The following SYN3 variants were observed in gnomAD, a reference collection of about 807,000 sequenced individuals.
The protein encoded by SYN3 is synapsin III.
SYN3 carries 35 observed loss-of-function variants against 65.8 expected under a neutral mutation model. The observed-to-expected ratio is 0.53, with a 90% confidence interval of 0.41 to 0.70. The LOEUF (loss-of-function observed/expected upper bound fraction) is 0.70, where lower values mean the gene tolerates loss of function less well. Among genes scored for constraint, SYN3 ranks in the 30% least tolerant of loss-of-function variants. The pLI, the probability that SYN3 is intolerant of heterozygous loss-of-function variation, is 0.00. For missense variants in SYN3, 680 were observed against 749.0 expected (o/e 0.91, Z 1.08); for synonymous variants, 270 against 292.9 (o/e 0.92, Z 0.80).
intron 6 of SYN3, among the ~76,000 whole-genome samples, chr22:32,631,187 C>T (rs566800385): frequency 2.9e-3 from 445 of 151,866 alleles, no homozygotes; most frequent in Middle Eastern, 0.017. Flanking sequence ...CCCAGCTACT[C>T]GGGAGGCTGA....
At chr22:32,814,156 G>GAC (rs1349992539) in intron 6 of SYN3, among the ~76,000 whole-genome samples, 5 of 135,274 alleles carry the variant, frequency 3.7e-5, no homozygotes, top group Non-Finnish European at 7.8e-5. Flanking sequence ...GAGAGAGAGA[G>GAC]AGAGAGAGAG....
chr22:32,650,330 G>C (rs1033365846), intron 6 of SYN3, among the ~76,000 whole-genome samples: 1 of 145,944 alleles, frequency 6.9e-6, no homozygotes, highest in African/African-American at 2.6e-5. Flanking sequence ...GCAGTGGAGC[G>C]ATCACAGTTC....
At chr22:32,833,004 A>G (rs1174385657) in intron 6 of SYN3, among the ~76,000 whole-genome samples, 1 of 152,142 alleles carries the variant, frequency 6.6e-6, no homozygotes, top group Non-Finnish European at 1.5e-5. Flanking sequence ...AAGTCCTGGG[A>G]TTACAGGCGT....
At chr22:32,933,761 A>G (rs1463039518) in intron 3 of SYN3, among the ~76,000 whole-genome samples, 1 of 151,924 alleles carries the variant, frequency 6.6e-6, no homozygotes. Flanking sequence ...TAACTGCCAC[A>G]CTCCATGGCC....
intron 6 of SYN3, among the ~76,000 whole-genome samples, chr22:32,852,514 G>A (rs551934084): frequency 6.6e-6 from 1 of 152,308 alleles, no homozygotes; most frequent in East Asian, 1.9e-4. Flanking sequence ...GGGAGACTTT[G>A]TTCTAGCAGA....
At chr22:32,904,627 G>A (rs765127964) in intron 4 of SYN3, among the ~76,000 whole-genome samples, 18 of 151,650 alleles carry the variant, frequency 1.2e-4, no homozygotes, top group African/African-American at 4.4e-4. Context: ...CAGTTTTTTC[G>A]ACCATCTTCC....
intron 3 of SYN3, among the ~76,000 whole-genome samples, chr22:32,946,499 A>G (rs1227655224): frequency 6.8e-6 from 1 of 146,722 alleles, no homozygotes; most frequent in Non-Finnish European, 1.5e-5. Context: ...CAATGAGAAC[A>G]CTTGGACACA....
chr22:32,857,539 C>G (rs2048405390), intron 6 of SYN3, among the ~76,000 whole-genome samples: 1 of 152,174 alleles, frequency 6.6e-6, no homozygotes, highest in Non-Finnish European at 1.5e-5. Context: ...TACACTTAGG[C>G]TGGACTTTGG....
intron 6 of SYN3, among the ~76,000 whole-genome samples, chr22:32,603,234 C>T (rs540668959): frequency 6.6e-5 from 10 of 151,926 alleles, no homozygotes; most frequent in Admixed American, 2.0e-4. Flanking sequence ...CAGCGCTGGC[C>T]GGGCGCGGTG....
intron 6 of SYN3, among the ~76,000 whole-genome samples, chr22:32,605,426 G>C (rs778139561): frequency 1.2e-4 from 18 of 152,322 alleles, no homozygotes; most frequent in Middle Eastern, 3.4e-3. Flanking sequence ...GCTTTAGGAA[G>C]AGTTCTCTGG....
intron 6 of SYN3, chr22:32,859,157 T>C: frequency 6.2e-7 from 1 of 1,613,128 alleles, no homozygotes; most frequent in Non-Finnish European, 8.5e-7. Flanking sequence ...GTCCATCAAC[T>C]GCTGCCTGTT....
chr22:32,581,680 A>G (rs1229229614), intron 7 of SYN3, among the ~76,000 whole-genome samples: 2 of 152,154 alleles, frequency 1.3e-5, no homozygotes, highest in Admixed American at 6.5e-5. Flanking sequence ...GTGTTTCAAA[A>G]GATTTTTAAA....
chr22:33,031,561 C>A (rs1790257299), intron 1 of SYN3, among the ~76,000 whole-genome samples: 1 of 152,056 alleles, frequency 6.6e-6, no homozygotes, highest in East Asian at 1.9e-4. Context: ...CAGGCAGCTG[C>A]CCCCTTCTAA....
intron 4 of SYN3, among the ~76,000 whole-genome samples, chr22:32,880,925 G>T (rs967485736): frequency 6.6e-6 from 1 of 152,208 alleles, no homozygotes; most frequent in Admixed American, 6.5e-5. Flanking sequence ...TGCTTGGAAA[G>T]GCTGAGTTTG....
At chr22:32,780,842 G>T (rs1038996613) in intron 6 of SYN3, among the ~76,000 whole-genome samples, 2 of 151,996 alleles carry the variant, frequency 1.3e-5, no homozygotes, top group South Asian at 2.1e-4. Context: ...GCACTTAGCA[G>T]TACCCAGCGT....
In SYN3 at chr22:32,676,074, C is replaced by T. The variant is rs1342706670; in HGVS notation, c.712-79338G>A. ...GGATGAACTCTGAGGATGAAGACTA[C>T]CTGAAAGGTATCTCAGATGATACTG... On this transcript the variant is annotated intron_variant, in intron 6 of 13. Transcript: ENST00000358763. Among the ~76,000 whole-genome samples, 232 of 152,030 alleles carry T rather than the reference C, an allele frequency of 1.5e-3. 2 individuals carry two copies. Among genetic ancestry groups the T allele is most frequent in the Middle Eastern group, 6.8e-3 (2 of 292 alleles).
chr22:32,600,027 A>T (rs903524663), intron 6 of SYN3, among the ~76,000 whole-genome samples: 4 of 152,102 alleles, frequency 2.6e-5, no homozygotes, highest in Non-Finnish European at 5.9e-5. Context: ...CACGAACTAG[A>T]GGGGGATGAG....
chr22:32,520,626 TAAGAA>T (rs1223940018), intron 12 of SYN3, among the ~76,000 whole-genome samples: 1 of 152,224 alleles, frequency 6.6e-6, no homozygotes, highest in Non-Finnish European at 1.5e-5. Context: ...TATTGCTAAT[TAAGAA>T]AAGGCGGCTT....
At chr22:32,914,438 G>GTT (rs137545) in intron 4 of SYN3, among the ~76,000 whole-genome samples, 9 of 119,606 alleles carry the variant, frequency 7.5e-5, no homozygotes, top group Non-Finnish European at 1.1e-4. Flanking sequence ...ATCATGTGGA[G>GTT]TTTTTTTTTT....
Sources: gnomAD v4.1 joint callset for allele counts (sites outside exome capture counted in the v4.1 genomes callset) on GRCh38, gnomAD v4.1.1 for gene constraint, MANE v1.5 for transcripts, NCBI Gene and HGNC (gene_info 2026-07-23, HGNC 2026-07-21) for gene names.